SNW1: variants seen among roughly 807,000 people sequenced by gnomAD.
The protein encoded by SNW1 is SNW domain containing 1, also known as SNW domain-containing protein 1.
A neutral mutation model predicts 75.6 loss-of-function variants in SNW1; 9 were observed. The ratio of observed to expected loss-of-function variants is 0.12; its 90% confidence interval spans 0.07 to 0.21. The LOEUF is 0.21. Among genes scored for constraint, SNW1 ranks in the 10% least tolerant of loss-of-function variants. The pLI is 1.00. For missense variants in SNW1, 409 were observed against 670.9 expected (o/e 0.61, Z 4.31); for synonymous variants, 200 against 219.1 (o/e 0.91, Z 0.77).
At position 77,732,581 on chromosome 14, in the gene SNW1, G is replaced by A; in HGVS notation, c.795C>T (p.Asp265=). The change falls in exon 9 of 14, where the codon GAC becomes GAT. Residue 265 remains aspartate (D), a synonymous_variant. Transcript: ENST00000261531. ...CTCTTCCATCAGCAGCCAGACGTTT[G>A]TCTAATGGAATTGTATAACCCTAGA... ...KNAKGYTIPL[D]KRLAADGRGL... 6.2e-7 allele frequency: 1 copy of A among 1,608,168 alleles called. No homozygotes were observed. The highest frequency in any genetic ancestry group is 8.5e-7 in the Non-Finnish European group (1 of 1,175,192).
At chr14:77,748,375 C>T (rs1195751046) in intron 3 of SNW1, among the ~76,000 whole-genome samples, 1 of 151,816 alleles carries the variant, frequency 6.6e-6, no homozygotes, top group African/African-American at 2.4e-5. Context: ...TGCCAAATCC[C>T]CCTCTCCGAG....
chr14:77,745,383 A>G (rs888582642), intron 3 of SNW1, among the ~76,000 whole-genome samples: 1 of 151,792 alleles, frequency 6.6e-6, no homozygotes, highest in Admixed American at 6.5e-5. Flanking sequence ...GTAGTTCCTC[A>G]TGGCAAATAT....
At chr14:77,755,386 A>G (rs78670912) in intron 1 of SNW1, among the ~76,000 whole-genome samples, 8,194 of 152,274 alleles carry the variant, frequency 0.054, 298 homozygotes, top group Middle Eastern at 0.085. Context: ...GATATTTCAC[A>G]TAACAGACAA....
At chr14:77,732,950 C>T (rs770477508) in intron 8 of SNW1, among the ~76,000 whole-genome samples, 2 of 152,170 alleles carry the variant, frequency 1.3e-5, no homozygotes, top group Non-Finnish European at 2.9e-5. Flanking sequence ...CATGAGCCAT[C>T]GAGCCTGGCT....
chr14:77,752,808 CTAAGATA>C (rs1219731794), intron 2 of SNW1, among the ~76,000 whole-genome samples: 8 of 152,214 alleles, frequency 5.3e-5, no homozygotes, highest in Middle Eastern at 6.8e-3. Flanking sequence ...TCCGTTAGAT[CTAAGATA>C]TATGAGTTCC....
In SNW1 at chr14:77,720,831, ATTTTG is replaced by A; in HGVS notation, c.1131-8_1131-4del. 1 of 1,591,704 alleles carries A rather than the reference ATTTTG, an allele frequency of 6.3e-7. No homozygotes were observed. Among genetic ancestry groups the A allele is most frequent in the South Asian group, 1.1e-5 (1 of 90,418 alleles). On this transcript the variant is annotated splice_polypyrimidine_tract_variant and splice_region_variant and intron_variant, in intron 11 of 13. Coordinates refer to ENST00000261531, the MANE Select transcript of SNW1 (RefSeq NM_012245.3). ...TTTCATTTCTCTGAAGTTTCGACCT[ATTTTG>A]AAATACGACATCACTAACTGAAAAC...
intron 2 of SNW1, among the ~76,000 whole-genome samples, chr14:77,754,750 G>T (rs1463545786): frequency 6.6e-6 from 1 of 152,110 alleles, no homozygotes; most frequent in African/African-American, 2.4e-5. Flanking sequence ...TAGACAAATG[G>T]TACAGTTCTC....
intron 1 of SNW1, 61 bp from the exon 2 acceptor site, chr14:77,755,181 T>C (rs372620636): frequency 6.9e-7 from 1 of 1,453,274 alleles, no homozygotes; most frequent in Non-Finnish European, 9.3e-7. Flanking sequence ...ATTTGACCAC[T>C]GCAACTTGGC....
At chr14:77,756,143 C>CA (rs1254716841) in intron 1 of SNW1, among the ~76,000 whole-genome samples, 1 of 151,246 alleles carries the variant, frequency 6.6e-6, no homozygotes, top group Admixed American at 6.6e-5. Flanking sequence ...TTTTTTGAGA[C>CA]AGAGTCTCGT....
intron 3 of SNW1, among the ~76,000 whole-genome samples, chr14:77,740,547 TTC>T (rs1771950954): frequency 1.3e-5 from 2 of 152,312 alleles, no homozygotes; most frequent in Middle Eastern, 3.4e-3. Flanking sequence ...CTAGCTCATC[TTC>T]TGTTTCTTGA....
intron 7 of SNW1, 117 bp downstream of exon 7, chr14:77,735,820 A>T (rs779230216): frequency 7.6e-6 from 5 of 654,526 alleles, no homozygotes; most frequent in Non-Finnish European, 1.3e-5. Context: ...CTTGAAAAAT[A>T]AAAAAAGAAA....
At position 77,722,656 on chromosome 14, in the gene SNW1, A is replaced by C. The variant is rs754456760; in HGVS notation, c.1130+525T>G. On this transcript the variant is annotated intron_variant, in intron 11 of 13. Transcript: ENST00000261531. Reference sequence around the variant, plus strand: ...TCTCAATTCTGACTTAAGTGATGGAAGATTAATTCCAAAGACAGTCAACTA... The same window carrying C: ...TCTCAATTCTGACTTAAGTGATGGACGATTAATTCCAAAGACAGTCAACTA... Among the ~76,000 whole-genome samples the C allele has an allele frequency of 2.6e-5, 4 of 152,146 alleles. No individual in the cohort carries two copies. The South Asian group carries it at 8.3e-4, about 32-fold the overall frequency.
intron 10 of SNW1, among the ~76,000 whole-genome samples, chr14:77,723,868 C>T (rs1035106166): frequency 6.6e-6 from 1 of 152,162 alleles, no homozygotes; most frequent in Non-Finnish European, 1.5e-5. Flanking sequence ...TAGTCTCAAA[C>T]TCCTGACCTC....
In SNW1 at chr14:77,723,297, G is replaced by A. The variant is rs1027911258; in HGVS notation, c.1034-20C>T. On this transcript the variant is annotated intron_variant, in intron 10 of 13. Coordinates refer to ENST00000261531, the MANE Select transcript of SNW1 (RefSeq NM_012245.3). ...CATCCTCTGTGTGAACAGTTGAAAA[G>A]TACTTCACTGTAATATGTATTATAT... is the stretch of plus-strand genomic sequence containing the variant. 8 of 1,535,808 alleles carry A rather than the reference G, an allele frequency of 5.2e-6. No individual in the cohort carries two copies. Among genetic ancestry groups the A allele is most frequent in the Non-Finnish European group, 7.2e-6 (8 of 1,108,976 alleles).
At chr14:77,727,735 G>GGA (rs2080596837) in intron 10 of SNW1, among the ~76,000 whole-genome samples, 1 of 152,162 alleles carries the variant, frequency 6.6e-6, no homozygotes, top group East Asian at 1.9e-4. Flanking sequence ...TTGGGATGAA[G>GGA]GATAGTTCAG....
intron 3 of SNW1, among the ~76,000 whole-genome samples, chr14:77,741,278 C>T (rs2080717088): frequency 6.6e-6 from 1 of 151,898 alleles, no homozygotes; most frequent in Admixed American, 6.6e-5. Context: ...TTTTGGAAGG[C>T]CAAGGTTGGA....
Position 77,718,472 on chromosome 14 carries a change from G to A in SNW1, c.1307C>T (p.Ala436Val). ...GGCCATATCTTTACCACCTCTCCAG[G>A]CTTGATCATAAACATTATAAATTTC... ...EDEIYNVYDQ[A>V]WRGGKDMAQS... The change falls in exon 13 of 14, where the codon GCC becomes GTC. Residue 436 changes from alanine to valine, a missense_variant. Transcript: ENST00000261531. 6.2e-7 allele frequency: 1 copy of A among 1,613,906 alleles called. No individual in the cohort carries two copies. The highest frequency in any genetic ancestry group is 8.5e-7 in the Non-Finnish European group (1 of 1,179,952).
chr14:77,735,049 T>C (rs1566830165), intron 7 of SNW1, 37 bp from the exon 8 acceptor site: 1 of 1,438,800 alleles, frequency 7.0e-7, no homozygotes, highest in Admixed American at 1.7e-5. Context: ...AGTTTAGATT[T>C]ATAGTCTACA....
intron 1 of SNW1, among the ~76,000 whole-genome samples, chr14:77,756,477 C>G (rs1443691330): frequency 1.5e-4 from 23 of 152,180 alleles, no homozygotes; most frequent in Admixed American, 1.5e-3. Context: ...CTTTAAACTA[C>G]TTCAGTGTAA....
Sources: allele counts gnomAD v4.1 joint callset (sites outside exome capture counted in the v4.1 genomes callset), GRCh38; gene constraint gnomAD v4.1.1; transcripts MANE v1.5; gene names NCBI Gene and HGNC (gene_info 2026-07-23, HGNC 2026-07-21).